SEMA3E: variants seen among roughly 807,000 people sequenced by gnomAD.
SEMA3E encodes semaphorin-3E.
SEMA3E carries 49 observed loss-of-function variants against 93.6 expected under a neutral mutation model. The observed-to-expected ratio is 0.52, with a 90% CI of 0.42 to 0.66. The LOEUF is 0.66. Ranked by LOEUF, SEMA3E falls within the 30% of genes least tolerant of loss-of-function variation. The probability of loss-of-function intolerance (pLI) is 0.00; values close to 1 mark genes in which losing one functional copy is unlikely to be tolerated. For synonymous variants in SEMA3E, 363 were observed against 330.7 expected, an observed-to-expected ratio of 1.10 and a Z score of -1.06; for missense variants, 906 against 964.8, an observed-to-expected ratio of 0.94 and a Z score of 0.81.
intron 5 of SEMA3E, among the ~76,000 whole-genome samples, chr7:83,410,558 T>C (rs997964474): frequency 3.3e-5 from 5 of 152,122 alleles, no homozygotes; most frequent in Admixed American, 6.6e-5. Flanking sequence ...TTTATCAAAG[T>C]CATTTAATTA....
intron 2 of SEMA3E, among the ~76,000 whole-genome samples, chr7:83,475,198 CATT>C (rs1178011130): frequency 6.6e-6 from 1 of 151,580 alleles, no homozygotes; most frequent in African/African-American, 2.4e-5. Context: ...ACTCATTTTT[CATT>C]ATTATGTAAA....
At chr7:83,503,030 G>A (rs1335073878) in intron 1 of SEMA3E, among the ~76,000 whole-genome samples, 1 of 132,702 alleles carries the variant, frequency 7.5e-6, no homozygotes, top group African/African-American at 2.8e-5. Flanking sequence ...TTTTTTTGAT[G>A]TCAATAAGTT....
At chr7:83,390,428 G>A (rs1275445283) in intron 14 of SEMA3E, among the ~76,000 whole-genome samples, 1 of 151,972 alleles carries the variant, frequency 6.6e-6, no homozygotes, top group Non-Finnish European at 1.5e-5. Flanking sequence ...AGAAGAGCAA[G>A]GGGAAGAAAA....
chr7:83,595,042 A>G (rs1168902821), intron 1 of SEMA3E, among the ~76,000 whole-genome samples: 1 of 151,910 alleles, frequency 6.6e-6, no homozygotes, highest in African/African-American at 2.4e-5. Context: ...GAGATTGTGT[A>G]GTTATCTCAT....
chr7:83,428,802 C>G (rs555402856), intron 4 of SEMA3E, among the ~76,000 whole-genome samples: 1 of 152,030 alleles, frequency 6.6e-6, no homozygotes, highest in Admixed American at 6.6e-5. Context: ...TTAGGAAATA[C>G]TTTTGCATGT....
chr7:83,469,380 T>C (rs12534772), intron 2 of SEMA3E, 78 bp from the exon 3 acceptor site: 1 of 949,764 alleles, frequency 1.1e-6, no homozygotes, highest in Non-Finnish European at 1.7e-6. Context: ...CACTTTCTTC[T>C]ACAGTTCAAA....
intron 9 of SEMA3E, among the ~76,000 whole-genome samples, chr7:83,403,224 A>G (rs1788264630): frequency 6.6e-6 from 1 of 152,030 alleles, no homozygotes; most frequent in South Asian, 2.1e-4. Flanking sequence ...ATTAAGATGT[A>G]TTAAGTTTCT....
chr7:83,573,744 T>G (rs1792338197), intron 1 of SEMA3E, among the ~76,000 whole-genome samples: 1 of 152,042 alleles, frequency 6.6e-6, no homozygotes, highest in African/African-American at 2.4e-5. Context: ...AAGGTCTACA[T>G]GTAGACGATT....
chr7:83,505,923 G>A (rs919368632), intron 1 of SEMA3E, among the ~76,000 whole-genome samples: 1 of 150,204 alleles, frequency 6.7e-6, no homozygotes, highest in East Asian at 2.0e-4. Context: ...GCTGAGGCAG[G>A]AGAATGGCGT....
At chr7:83,368,899 C>T (rs1343387005) in intron 16 of SEMA3E, among the ~76,000 whole-genome samples, 1 of 152,070 alleles carries the variant, frequency 6.6e-6, no homozygotes, top group African/African-American at 2.4e-5. Flanking sequence ...ATATTGCCAC[C>T]ACTATTTATT....
At chr7:83,600,486 A>ATTTTTTTTTT (rs71522671) in intron 1 of SEMA3E, among the ~76,000 whole-genome samples, 261 of 63,104 alleles carry the variant, frequency 4.1e-3, no homozygotes, top group Non-Finnish European at 5.4e-3. Flanking sequence ...CGCCCAGCTA[A>ATTTTTTTTTT]TTTTTTTTTT....
chr7:83,601,061 G>A (rs1209963125), intron 1 of SEMA3E, among the ~76,000 whole-genome samples: 3 of 152,224 alleles, frequency 2.0e-5, no homozygotes, highest in Non-Finnish European at 4.4e-5. Flanking sequence ...GGGAGGGAAA[G>A]AGATGTGATG....
intron 1 of SEMA3E, among the ~76,000 whole-genome samples, chr7:83,492,029 G>A (rs906901456): frequency 1.3e-5 from 2 of 152,034 alleles, no homozygotes; most frequent in Admixed American, 1.3e-4. Context: ...GGGCTGCCAA[G>A]TGGATTTTTA....
chr7:83,368,988 T>C lies in SEMA3E; in HGVS notation c.1876-950A>G, dbSNP rs549644551. On this transcript the variant is annotated intron_variant, in intron 16 of 16. Coordinates refer to ENST00000643230, the MANE Select transcript of SEMA3E (RefSeq NM_012431.3). ...GGAGATAACTTAATAACCTGAAAAA[T>C]TGTTGTGAAGATTAAAGAAAATAGG... 8.5e-5 allele frequency among the ~76,000 whole-genome samples: 13 copies of C among 152,222 alleles called. No homozygotes were observed. The South Asian group carries it at 1.9e-3, about 22-fold the overall frequency.
At chr7:83,563,064 A>G (rs1792065211) in intron 1 of SEMA3E, among the ~76,000 whole-genome samples, 1 of 152,128 alleles carries the variant, frequency 6.6e-6, no homozygotes, top group African/African-American at 2.4e-5. Flanking sequence ...TCCAGTGTCT[A>G]CTGTAGACAG....
At chr7:83,406,700 A>G (rs1239843098) in intron 7 of SEMA3E, among the ~76,000 whole-genome samples, 1 of 152,148 alleles carries the variant, frequency 6.6e-6, no homozygotes, top group Admixed American at 6.6e-5. Context: ...AGTAAGTTAC[A>G]GATGGCTTTT....
chr7:83,463,829 C>T (rs1016692143), intron 4 of SEMA3E, among the ~76,000 whole-genome samples: 9 of 152,078 alleles, frequency 5.9e-5, no homozygotes, highest in African/African-American at 2.2e-4. Context: ...TTATTCAGGC[C>T]CCCTCCCTTC....
chr7:83,637,199 T>C (rs1584379616), intron 1 of SEMA3E, among the ~76,000 whole-genome samples: 2 of 152,274 alleles, frequency 1.3e-5, no homozygotes, highest in South Asian at 4.1e-4. Context: ...AATAAACCAA[T>C]ATTGATACAT....
chr7:83,428,907 CAG>C (rs1249600883), intron 4 of SEMA3E, among the ~76,000 whole-genome samples: 1 of 152,216 alleles, frequency 6.6e-6, no homozygotes, highest in East Asian at 1.9e-4. Context: ...GGTGAGGAAT[CAG>C]AGGCAGGGTG....
Sources: allele counts gnomAD v4.1 joint callset (sites outside exome capture counted in the v4.1 genomes callset), GRCh38; gene constraint gnomAD v4.1.1; transcripts MANE v1.5; gene names NCBI Gene and HGNC (gene_info 2026-07-23, HGNC 2026-07-21).